PEAK1: variants seen among roughly 807,000 people sequenced by gnomAD.
The protein encoded by PEAK1 is inactive tyrosine-protein kinase PEAK1.
Under a neutral mutation model 124.7 loss-of-function variants are expected in PEAK1, and 54 were observed. The observed-to-expected ratio is 0.43, with a 90% CI of 0.35 to 0.54. PEAK1 has a LOEUF of 0.54. Among genes scored for constraint, PEAK1 ranks in the 20% least tolerant of loss-of-function variants. The pLI is 0.01. For missense variants in PEAK1, 2,046 were observed against 2,134.5 expected (o/e 0.96, Z 0.82); for synonymous variants, 719 against 760.0 (o/e 0.95, Z 0.89).
rs79430840 is a variant in PEAK1 at position 77,169,414 on chromosome 15, C to T, written c.3137+9376G>A. Reference sequence around the variant, plus strand: ...AACTAAATTAACATGCAAGTAACTACGGCCCATTGGCCATAGTTTTAATCA... The same window carrying T: ...AACTAAATTAACATGCAAGTAACTATGGCCCATTGGCCATAGTTTTAATCA... On this transcript the variant is annotated intron_variant, in intron 7 of 9. Coordinates refer to ENST00000682557, the MANE Select transcript of PEAK1 (RefSeq NM_001385026.1). Among the ~76,000 whole-genome samples, 1,117 of 152,278 alleles carry T rather than the reference C, an allele frequency of 7.3e-3. 15 individuals carry two copies. The highest frequency in any genetic ancestry group is 0.025 in the African/African-American group (1,059 of 41,536).
chr15:77,380,287 G>A (rs375428553), intron 1 of PEAK1, among the ~76,000 whole-genome samples: 48 of 152,046 alleles, frequency 3.2e-4, no homozygotes, highest in African/African-American at 1.2e-3. Flanking sequence ...TGCCACTGGC[G>A]TACCTGAAAA....
At chr15:77,131,393 T>C (rs2052846332) in intron 9 of PEAK1, among the ~76,000 whole-genome samples, 1 of 152,172 alleles carries the variant, frequency 6.6e-6, no homozygotes, top group Admixed American at 6.6e-5. Flanking sequence ...CAAGGGAGGC[T>C]GAGGCAGGAG....
intron 6 of PEAK1, among the ~76,000 whole-genome samples, chr15:77,232,120 A>C (rs952157136): frequency 1.3e-5 from 2 of 152,206 alleles, no homozygotes; most frequent in Non-Finnish European, 2.9e-5. Context: ...CTGAGATACA[A>C]AATCATTGCC....
At chr15:77,379,037 G>C (rs1236941211) in intron 1 of PEAK1, among the ~76,000 whole-genome samples, 1 of 152,202 alleles carries the variant, frequency 6.6e-6, no homozygotes, top group African/African-American at 2.4e-5. Context: ...CTGCTGAAAT[G>C]AGATTGCCTA....
chr15:77,392,028 C>T (rs1002064739), intron 1 of PEAK1, among the ~76,000 whole-genome samples: 1 of 152,138 alleles, frequency 6.6e-6, no homozygotes, highest in African/African-American at 2.4e-5. Context: ...AAACTATGAT[C>T]CTGTATATAC....
rs2062936978 is a variant in PEAK1 at position 77,286,479 on chromosome 15, A to G, written c.-577T>C. 8.1e-7 allele frequency: 1 copy of G among 1,229,492 alleles called. No individual in the cohort carries two copies. The highest frequency in any genetic ancestry group is 4.1e-5 in the South Asian group (1 of 24,298). The allele number at this position is 1,229,492 out of a possible 1,614,324, so 76.2% of individuals were successfully genotyped here. On this transcript the variant is annotated 5_prime_UTR_variant, in exon 3 of 10. Coordinates refer to ENST00000682557, the MANE Select transcript of PEAK1 (RefSeq NM_001385026.1). Reference sequence around the variant, plus strand: ...TGTTGTTGCTTCCTTTTCTTTCCTTACAAATGGATCTCAAGTATTCTTTTC... The same window carrying G: ...TGTTGTTGCTTCCTTTTCTTTCCTTGCAAATGGATCTCAAGTATTCTTTTC...
chr15:77,413,109 C>T (rs2072547216), intron 1 of PEAK1, among the ~76,000 whole-genome samples: 1 of 152,180 alleles, frequency 6.6e-6, no homozygotes, highest in Non-Finnish European at 1.5e-5. Context: ...TCAGAAGCCA[C>T]AGCAATAATT....
At chr15:77,141,531 T>C (rs1348709973) in intron 8 of PEAK1, among the ~76,000 whole-genome samples, 2 of 152,186 alleles carry the variant, frequency 1.3e-5, no homozygotes, top group African/African-American at 4.8e-5. Context: ...ACTGGCAGGC[T>C]CATCCTAAAA....
chr15:77,172,758 C>G (rs1013826056), intron 7 of PEAK1, among the ~76,000 whole-genome samples: 2 of 152,044 alleles, frequency 1.3e-5, no homozygotes, highest in Non-Finnish European at 2.9e-5. Flanking sequence ...TTTACTTCAT[C>G]ACCAAGGGAA....
chr15:77,365,098 A>G lies in PEAK1; in HGVS notation c.-603+65T>C, dbSNP rs80110576. 4,586 of 658,904 alleles carry G rather than the reference A, an allele frequency of 7.0e-3. 140 individuals are homozygous for G. The African/African-American group carries it at 0.073, about 11-fold the overall frequency. The allele number at this position is 658,904 out of a possible 1,614,324, so 40.8% of individuals were successfully genotyped here. A position where few individuals can be genotyped will look rare whatever the true frequency, so the allele number is the denominator to read the frequency against. On this transcript the variant is annotated intron_variant, in intron 2 of 9. Transcript: ENST00000682557. The stretch of plus-strand genomic sequence containing the variant: ...ATTTGATATTGCCTTAAATTTTTTC[A>G]AAAACAATTCTTTCTCATTATAAAA...
At chr15:77,178,562 G>A in intron 7 of PEAK1, 1 of 530,180 alleles carries the variant, frequency 1.9e-6, no homozygotes, top group Non-Finnish European at 3.3e-6. Flanking sequence ...TCACCAGAAT[G>A]CAGTAGGCTA....
intron 1 of PEAK1, chr15:77,370,552 C>T: frequency 4.2e-6 from 1 of 239,500 alleles, no homozygotes; most frequent in Non-Finnish European, 6.8e-6. Flanking sequence ...CTTTTTGTTT[C>T]CCTAGATTTG....
At chr15:77,407,424 G>A (rs960959797) in intron 1 of PEAK1, among the ~76,000 whole-genome samples, 2 of 151,068 alleles carry the variant, frequency 1.3e-5, no homozygotes, top group Non-Finnish European at 1.5e-5. Flanking sequence ...AAATCAGCAA[G>A]AAAAAAAACA....
At chr15:77,188,390 A>G (rs1458229196) in intron 6 of PEAK1, among the ~76,000 whole-genome samples, 1 of 152,214 alleles carries the variant, frequency 6.6e-6, no homozygotes, top group Non-Finnish European at 1.5e-5. Flanking sequence ...CTCAGTTCCA[A>G]CTAATTTTTA....
chr15:77,312,895 AG>A (rs1226146386), intron 2 of PEAK1, among the ~76,000 whole-genome samples: 1 of 152,218 alleles, frequency 6.6e-6, no homozygotes, highest in East Asian at 1.9e-4. Context: ...GGGAAGGACA[AG>A]GTAGTTAGAA....
intron 6 of PEAK1, chr15:77,239,705 G>T: frequency 2.7e-6 from 1 of 376,474 alleles, no homozygotes; most frequent in South Asian, 1.1e-4. Context: ...TGTCACAGGA[G>T]CTGACAATCA....
rs535413939 is a variant in PEAK1 at position 77,230,333 on chromosome 15, G to A, written c.-115+22034C>T. ...TCCTGCCTCAGCCTCCCAAGTAGCT[G>A]GGATTACAGGTGTGCACCACCATAC... On this transcript the variant is annotated intron_variant, in intron 6 of 9. Coordinates refer to ENST00000682557, the MANE Select transcript of PEAK1 (RefSeq NM_001385026.1). Among the ~76,000 whole-genome samples the A allele has an allele frequency of 4.5e-4, 69 of 152,062 alleles. 2 individuals are homozygous for A. In the South Asian group the frequency reaches 0.013, roughly 28 times the overall value.
intron 2 of PEAK1, chr15:77,352,941 G>A (rs1446529200): frequency 8.1e-6 from 8 of 985,174 alleles, no homozygotes; most frequent in Non-Finnish European, 9.6e-6. Flanking sequence ...GTATTGTACT[G>A]CTCTTCTCAT....
intron 2 of PEAK1, chr15:77,333,192 T>C: frequency 1.1e-6 from 1 of 929,610 alleles, no homozygotes; most frequent in Non-Finnish European, 1.3e-6. Flanking sequence ...ACTTTATTGC[T>C]CAGGCTGGTC....
Sources: allele counts gnomAD v4.1 joint callset (sites outside exome capture counted in the v4.1 genomes callset), GRCh38; gene constraint gnomAD v4.1.1; transcripts MANE v1.5; gene names NCBI Gene and HGNC (gene_info 2026-07-23, HGNC 2026-07-21).